CNGB1: variants seen among roughly 807,000 people sequenced by gnomAD.
CNGB1 encodes the protein cyclic nucleotide-gated channel beta-1.
CNGB1 carries 126 observed loss-of-function variants against 151.7 expected under a neutral mutation model. The observed-to-expected ratio is 0.83, with a 90% confidence interval of 0.72 to 0.96. CNGB1 has a LOEUF of 0.96. Ranked by LOEUF, CNGB1 falls within the 40% of genes least tolerant of loss-of-function variation. CNGB1 has a pLI of 0.00. For synonymous variants in CNGB1, 623 were observed against 635.1 expected, an observed-to-expected ratio of 0.98 and a Z score of 0.29; for missense variants, 1,698 against 1,627.0, an observed-to-expected ratio of 1.04 and a Z score of -0.75.
chr16:57,964,555 C>G lies in CNGB1; in HGVS notation c.160-11G>C, dbSNP rs371750276. ...TGACTCTTCGGGGGGCTAGAGGGTTCGAACAGGATCATGTAAGTCCTAGGT... is the reference window on the plus strand; with the variant it reads ...TGACTCTTCGGGGGGCTAGAGGGTTGGAACAGGATCATGTAAGTCCTAGGT... On this transcript the variant is annotated splice_polypyrimidine_tract_variant and intron_variant, in intron 2 of 32. Coordinates refer to ENST00000251102, the MANE Select transcript of CNGB1 (RefSeq NM_001297.5). 3.1e-5 allele frequency: 50 copies of G among 1,613,942 alleles called. No homozygotes were observed. In the African/African-American group the frequency reaches 6.4e-4, roughly 21 times the overall value.
chr16:57,886,312 T>C (rs563653225), intron 32 of CNGB1, among the ~76,000 whole-genome samples: 1 of 152,300 alleles, frequency 6.6e-6, no homozygotes, highest in South Asian at 2.1e-4. Context: ...GCTGAAGAGC[T>C]ACCACTTAGG....
chr16:57,887,593 GA>G (rs1203320329), intron 32 of CNGB1, among the ~76,000 whole-genome samples: 1 of 152,070 alleles, frequency 6.6e-6, no homozygotes, highest in African/African-American at 2.4e-5. Context: ...GACACGATGG[GA>G]AAACTCGTCC....
At position 57,915,339 on chromosome 16, in the gene CNGB1, A is replaced by C. The variant is rs1166234765; in HGVS notation, c.2218-4T>G. ...GCAGGAGGCTGAGCAGGTCCATCTGAAATCCCAGTGGGACACCATGGGGGT... is the reference window on the plus strand; with the variant it reads ...GCAGGAGGCTGAGCAGGTCCATCTGCAATCCCAGTGGGACACCATGGGGGT... On this transcript the variant is annotated splice_region_variant and splice_polypyrimidine_tract_variant and intron_variant, in intron 22 of 32. Coordinates refer to ENST00000251102, the MANE Select transcript of CNGB1 (RefSeq NM_001297.5). 3.7e-6 allele frequency: 6 copies of C among 1,612,576 alleles called. No homozygotes were observed. Among genetic ancestry groups the C allele is most frequent in the Non-Finnish European group, 5.1e-6 (6 of 1,178,662 alleles).
At chr16:57,958,250 C>T (rs1224294768) in intron 11 of CNGB1, among the ~76,000 whole-genome samples, 160 bp downstream of exon 11, 1 of 116,566 alleles carries the variant, frequency 8.6e-6, no homozygotes, top group Non-Finnish European at 1.7e-5. Context: ...GCTGGGCCAG[C>T]ATGTCTCAGG....
rs774449927 is a variant in CNGB1, at chr16:57,950,529, G to A, written c.886C>T (p.Pro296Ser). The change falls in exon 13 of 33, where the codon CCT becomes TCT. Residue 296 changes from proline (P) to serine (S), a missense_variant. Pro to Ser is a moderately conservative substitution (Grantham distance 74). Coordinates refer to ENST00000251102, the MANE Select transcript of CNGB1 (RefSeq NM_001297.5). ...ICDVQTISILPGGQVEPDLVL... is the reference protein window; with the variant it reads ...ICDVQTISILSGGQVEPDLVL... Reference sequence around the variant, plus strand: ...AGGTCAGGCTCCACTTGTCCTCCAGGAAGGATGCTGACTGCAGGGAACACA... The same window carrying A: ...AGGTCAGGCTCCACTTGTCCTCCAGAAAGGATGCTGACTGCAGGGAACACA... 1.2e-6 allele frequency: 2 copies of A among 1,614,178 alleles called. No individual in the cohort carries two copies. Among genetic ancestry groups the A allele is most frequent in the South Asian group, 1.1e-5 (1 of 91,082 alleles).
intron 21 of CNGB1, 70 bp downstream of exon 21, chr16:57,917,198 T>C (rs1215819832): frequency 3.1e-6 from 4 of 1,277,224 alleles, no homozygotes; most frequent in Non-Finnish European, 4.5e-6. Flanking sequence ...GCATCAGGGG[T>C]CAGTGCCCTG....
In CNGB1 at chr16:57,960,479, TACCTGGGTCTGAGGCAGC is replaced by T; in HGVS notation, c.568_583+2del. 4 of 1,613,354 alleles carry T rather than the reference TACCTGGGTCTGAGGCAGC, an allele frequency of 2.5e-6. No homozygotes were observed. The highest frequency in any genetic ancestry group is 3.4e-6 in the Non-Finnish European group (4 of 1,179,698). Reference sequence around the variant, plus strand: ...GCCCCCTCCCGAGCTCCCCTCCCTGTACCTGGGTCTGAGGCAGCACCTGTAGCAACTGCAGGCTCATCT... The same window carrying T: ...GCCCCCTCCCGAGCTCCCCTCCCTGTACCTGTAGCAACTGCAGGCTCATCT... On this transcript the variant is annotated splice_donor_variant and coding_sequence_variant, in exon 9 of 33. Coordinates refer to ENST00000251102, the MANE Select transcript of CNGB1 (RefSeq NM_001297.5). LOFTEE classifies it high-confidence loss of function.
intron 1 of CNGB1, among the ~76,000 whole-genome samples, chr16:57,968,727 A>AC (rs1342118300): frequency 6.6e-6 from 1 of 152,142 alleles, no homozygotes; most frequent in Non-Finnish European, 1.5e-5. Context: ...ATCATTTTTT[A>AC]ATTTTTAAGA....
intron 17 of CNGB1, among the ~76,000 whole-genome samples, chr16:57,931,464 T>C (rs2149371852): frequency 6.6e-6 from 1 of 152,272 alleles, no homozygotes; most frequent in Middle Eastern, 3.4e-3. Flanking sequence ...TATTACTATA[T>C]TATTTATTAT....
chr16:57,967,076 A>T, intron 2 of CNGB1, 52 bp downstream of exon 2: 2 of 1,613,094 alleles, frequency 1.2e-6, no homozygotes, highest in Non-Finnish European at 1.7e-6. Flanking sequence ...CCAAACTGGG[A>T]AGACCCTGAG....
In CNGB1 at chr16:57,950,423, G is replaced by A. The variant is rs1961918545; in HGVS notation, c.992C>T (p.Pro331Leu). The change falls in exon 13 of 33, where the codon CCA (proline) becomes CTA (leucine). Residue 331 changes from proline (P) to leucine (L), a missense_variant. Physicochemically the swap from Pro to Leu is moderately conservative, Grantham distance 98 (BLOSUM62 -3). Transcript: ENST00000251102. The part of the protein sequence containing the change: ...STSPQGTEVV[P>L]AYEEENKAVE... Reference sequence around the variant, plus strand: ...AGCTTTGTTCTCTTCTTCATAAGCTGGAACCACCTCTGTACCCTGTGGGCT... The same window carrying A: ...AGCTTTGTTCTCTTCTTCATAAGCTAGAACCACCTCTGTACCCTGTGGGCT... 1 of 1,614,120 alleles carries A rather than the reference G, an allele frequency of 6.2e-7. No homozygotes were observed. The highest frequency in any genetic ancestry group is 1.1e-5 in the South Asian group (1 of 91,092).
chr16:57,967,442 C>A (rs1962428779), intron 1 of CNGB1, 148 bp from the exon 2 acceptor site: 2 of 766,970 alleles, frequency 2.6e-6, no homozygotes. Flanking sequence ...ACCTGTAATC[C>A]CAGCAATTTG....
At chr16:57,954,807 G>A (rs1237279782) in intron 12 of CNGB1, 1 of 990,564 alleles carries the variant, frequency 1.0e-6, no homozygotes, top group Non-Finnish European at 1.2e-6. Context: ...ACTGTATCCT[G>A]TCGAGGTGCT....
chr16:57,954,739 C>G, intron 12 of CNGB1: 1 of 969,262 alleles, frequency 1.0e-6, no homozygotes. Context: ...CATTGGTGTC[C>G]CCAAGCCTTG....
rs1961603108 is a variant in CNGB1, at chr16:57,939,438, C to T, written c.1364G>A (p.Ser455Asn). Residue 455 changes from serine (S) to asparagine (N), a missense_variant, in exon 16 of 33, where the codon AGT becomes AAT. Coordinates refer to ENST00000251102, the MANE Select transcript of CNGB1 (RefSeq NM_001297.5). ...EEPEAEAEAA[S>N]SGVPATKQHP... ...ACCACCACCACACCTACCTCCTGAA[C>T]TGGCAGCCTCGGCCTCAGCCTCAGG... 4 of 1,614,176 alleles carry T rather than the reference C, an allele frequency of 2.5e-6. No homozygotes were observed. The highest frequency in any genetic ancestry group is 2.2e-5 in the South Asian group (2 of 91,090).
At position 57,920,414 on chromosome 16, in the gene CNGB1, T is replaced by C. The variant is rs1960998245; in HGVS notation, c.1774A>G (p.Thr592Ala). ...VKEKLIDPDVTSDEESPKPSP... is the reference protein window; with the variant it reads ...VKEKLIDPDVASDEESPKPSP... ...GGCTTGGGGCTCTCCTCATCAGAGG[T>C]GACGTCAGGGTCAATGAGTTTCTCC... The change falls in exon 19 of 33, where the codon ACC (threonine) becomes GCC (alanine). Residue 592 changes from threonine to alanine, a missense_variant. Coordinates refer to ENST00000251102, the MANE Select transcript of CNGB1 (RefSeq NM_001297.5). The C allele has an allele frequency of 6.2e-7, 1 of 1,614,012 alleles. No individual in the cohort carries two copies. Among genetic ancestry groups the C allele is most frequent in the South Asian group, 1.1e-5 (1 of 91,086 alleles).
chr16:57,904,971 T>C (rs1596963959), intron 25 of CNGB1, 96 bp from the exon 26 acceptor site: 3 of 1,491,406 alleles, frequency 2.0e-6, no homozygotes, highest in Non-Finnish European at 2.8e-6. Context: ...ATGCATGTTG[T>C]GCAAAAGACA....
intron 22 of CNGB1, among the ~76,000 whole-genome samples, chr16:57,915,583 G>A (rs913659984): frequency 1.3e-5 from 2 of 152,182 alleles, no homozygotes; most frequent in Non-Finnish European, 2.9e-5. Context: ...AGTAAGGGGC[G>A]GGAGTGGTAC....
At chr16:57,912,896 G>A in intron 24 of CNGB1, 34 bp downstream of exon 24, 1 of 1,580,890 alleles carries the variant, frequency 6.3e-7, no homozygotes, top group South Asian at 1.1e-5. Flanking sequence ...TGTCATGTGT[G>A]TGTGCATGCA....
Sources: allele counts gnomAD v4.1 joint callset (sites outside exome capture counted in the v4.1 genomes callset), GRCh38; gene constraint gnomAD v4.1.1; transcripts MANE v1.5; gene names NCBI Gene and HGNC (gene_info 2026-07-23, HGNC 2026-07-21).